Variants in NKAIN3 observed in about 807,000 individuals in gnomAD.
NKAIN3 encodes the protein sodium/potassium-transporting ATPase subunit beta-1-interacting protein 3.
In NKAIN3, 25 loss-of-function variants were observed where a neutral mutation model predicts 30.2. That is an observed-to-expected ratio of 0.83 (90% confidence interval 0.60 to 1.16). NKAIN3 has a LOEUF of 1.16. Ranked by LOEUF, NKAIN3 falls within the 50% of genes most tolerant of loss-of-function variation. The pLI is 0.00. For missense variants in NKAIN3, 225 were observed against 254.1 expected (o/e 0.89, Z 0.78); for synonymous variants, 91 against 89.6 (o/e 1.02, Z -0.09).
chr8:62,688,661 TAAAG>T (rs1813866979), intron 3 of NKAIN3, among the ~76,000 whole-genome samples: 3 of 152,014 alleles, frequency 2.0e-5, no homozygotes, highest in Non-Finnish European at 4.4e-5. Context: ...CTACTTAGTA[TAAAG>T]AGAGCACATG....
chr8:62,849,959 G>A (rs990717614), intron 4 of NKAIN3, among the ~76,000 whole-genome samples: 25 of 151,932 alleles, frequency 1.6e-4, no homozygotes, highest in African/African-American at 5.8e-4. Context: ...TAATCCTTTG[G>A]GTATATACCC....
At chr8:62,573,900 G>A (rs549655920) in intron 1 of NKAIN3, among the ~76,000 whole-genome samples, 1 of 151,976 alleles carries the variant, frequency 6.6e-6, no homozygotes, top group African/African-American at 2.4e-5. Context: ...TTATACTTTT[G>A]TAGCTATTTT....
At chr8:62,264,812 G>A (rs908626829) in intron 1 of NKAIN3, among the ~76,000 whole-genome samples, 1 of 152,066 alleles carries the variant, frequency 6.6e-6, no homozygotes, top group Non-Finnish European at 1.5e-5. Context: ...ACAACATCAC[G>A]GTGCATGTGC....
At chr8:62,581,540 T>C (rs1258012013) in intron 2 of NKAIN3, among the ~76,000 whole-genome samples, 2 of 152,212 alleles carry the variant, frequency 1.3e-5, no homozygotes, top group African/African-American at 4.8e-5. Flanking sequence ...CTCTCTTCTA[T>C]AGATAGACTT....
intron 3 of NKAIN3, among the ~76,000 whole-genome samples, chr8:62,720,365 A>G (rs543041757): frequency 2.0e-5 from 3 of 152,298 alleles, no homozygotes; most frequent in Admixed American, 1.3e-4. Context: ...GGTACATTCT[A>G]TTACAACTCT....
chr8:62,634,371 T>A (rs1812062725), intron 3 of NKAIN3, among the ~76,000 whole-genome samples: 1 of 152,154 alleles, frequency 6.6e-6, no homozygotes, highest in South Asian at 2.1e-4. Context: ...ATGATTACAT[T>A]TCTTTCCAGC....
intron 1 of NKAIN3, among the ~76,000 whole-genome samples, chr8:62,255,794 C>T (rs1812243660): frequency 6.6e-6 from 1 of 152,132 alleles, no homozygotes; most frequent in African/African-American, 2.4e-5. Context: ...GTGCTGCCCT[C>T]ATGGGAGTCT....
At chr8:62,406,634 A>G (rs918063502) in intron 1 of NKAIN3, among the ~76,000 whole-genome samples, 2 of 152,182 alleles carry the variant, frequency 1.3e-5, no homozygotes, top group Non-Finnish European at 2.9e-5. Flanking sequence ...CATCATATTT[A>G]TATACATTGA....
intron 3 of NKAIN3, among the ~76,000 whole-genome samples, chr8:62,649,549 C>T (rs1303696723): frequency 3.3e-5 from 5 of 152,030 alleles, no homozygotes; most frequent in African/African-American, 1.2e-4. Context: ...CTAATTACTA[C>T]AGAAGCAAAA....
At chr8:62,302,554 C>T (rs1396894726) in intron 1 of NKAIN3, among the ~76,000 whole-genome samples, 1 of 151,992 alleles carries the variant, frequency 6.6e-6, no homozygotes, top group Non-Finnish European at 1.5e-5. Context: ...CACAGACTAT[C>T]CCAAGTAAGT....
At chr8:62,776,337 G>T (rs1472615176) in intron 4 of NKAIN3, among the ~76,000 whole-genome samples, 1 of 151,766 alleles carries the variant, frequency 6.6e-6, no homozygotes, top group Non-Finnish European at 1.5e-5. Context: ...TTTTCTGAGG[G>T]TTTTTTTGTG....
At chr8:62,318,824 G>A (rs1305974126) in intron 1 of NKAIN3, among the ~76,000 whole-genome samples, 1 of 152,222 alleles carries the variant, frequency 6.6e-6, no homozygotes, top group African/African-American at 2.4e-5. Context: ...CCAGGCTTTG[G>A]TATCAGGATG....
At chr8:62,537,259 G>A (rs1014829861) in intron 1 of NKAIN3, among the ~76,000 whole-genome samples, 1 of 152,198 alleles carries the variant, frequency 6.6e-6, no homozygotes, top group South Asian at 2.1e-4. Flanking sequence ...AGGAACAACA[G>A]TGTAGTTAGA....
intron 4 of NKAIN3, among the ~76,000 whole-genome samples, chr8:62,813,569 T>A (rs1428705232): frequency 1.3e-5 from 2 of 151,694 alleles, no homozygotes; most frequent in Non-Finnish European, 2.9e-5. Context: ...TCCATTTACA[T>A]CCACAGTTGT....
intron 3 of NKAIN3, among the ~76,000 whole-genome samples, chr8:62,721,101 T>C (rs1290076935): frequency 6.6e-6 from 1 of 152,196 alleles, no homozygotes; most frequent in African/African-American, 2.4e-5. Flanking sequence ...CTCTATTCAT[T>C]ACTTTTTACG....
At chr8:62,866,436 G>A (rs1820416817) in intron 4 of NKAIN3, among the ~76,000 whole-genome samples, 1 of 152,088 alleles carries the variant, frequency 6.6e-6, no homozygotes, top group Admixed American at 6.5e-5. Flanking sequence ...AAATGAAGTT[G>A]AGAAAATGAT....
At chr8:62,956,655 T>C (rs1306810041) in intron 6 of NKAIN3, among the ~76,000 whole-genome samples, 2 of 152,172 alleles carry the variant, frequency 1.3e-5, no homozygotes, top group African/African-American at 2.4e-5. Flanking sequence ...TTTAAAGTAA[T>C]GATATCAAGC....
At chr8:62,659,341 C>T (rs1250680921) in intron 3 of NKAIN3, among the ~76,000 whole-genome samples, 1 of 123,090 alleles carries the variant, frequency 8.1e-6, no homozygotes, top group Admixed American at 8.9e-5. Context: ...GGGTTTAGAA[C>T]CTCACTCTGG....
intron 4 of NKAIN3, among the ~76,000 whole-genome samples, chr8:62,880,904 T>A (rs1438728302): frequency 1.3e-5 from 2 of 152,168 alleles, no homozygotes; most frequent in East Asian, 1.9e-4. Flanking sequence ...GTATATTTAA[T>A]TTACATGCCA....
Sources: gnomAD v4.1 joint callset for allele counts (sites outside exome capture counted in the v4.1 genomes callset) on GRCh38, gnomAD v4.1.1 for gene constraint, MANE v1.5 for transcripts, NCBI Gene and HGNC (gene_info 2026-07-23, HGNC 2026-07-21) for gene names.